KPNA1: variants seen among roughly 807,000 people sequenced by gnomAD.
The protein encoded by KPNA1 is karyopherin subunit alpha 1.
A neutral mutation model predicts 70.5 loss-of-function variants in KPNA1; 10 were observed. The ratio of observed to expected loss-of-function variants is 0.14; its 90% CI spans 0.09 to 0.24. The LOEUF is 0.24. Among genes scored for constraint, KPNA1 ranks in the 10% least tolerant of loss-of-function variants. The pLI is 1.00. For synonymous variants in KPNA1, 192 were observed against 221.9 expected (o/e 0.87, Z 1.20); for missense variants, 397 against 637.9 (o/e 0.62, Z 4.07).
chr3:122,427,552 A>G lies in KPNA1; in HGVS notation c.1415T>C (p.Ile472Thr). The change falls in exon 13 of 14, where the codon ATT becomes ACT. Residue 472 changes from isoleucine (I) to threonine (T), a missense_variant. Physicochemically the swap from Ile to Thr is moderately conservative, Grantham distance 89. Coordinates refer to ENST00000344337, the MANE Select transcript of KPNA1 (RefSeq NM_002264.4). ...GTGINPYCAL[I>T]EEAYGLDKIE... The stretch of plus-strand genomic sequence containing the variant: ...AAGCATCTTACCATAAGCTTCTTCA[A>G]TCAAAGCACAGTAAGGGTTAATGCC... 3 of 1,612,054 alleles carry G rather than the reference A, an allele frequency of 1.9e-6. No homozygotes were observed. The highest frequency in any genetic ancestry group is 2.5e-6 in the Non-Finnish European group (3 of 1,179,346).
Position 122,507,686 on chromosome 3 carries a change from CTGATCTTTA to C in KPNA1, c.-6+7062_-6+7070del, listed in dbSNP as rs370700890. On this transcript the variant is annotated intron_variant, in intron 1 of 13. Transcript: ENST00000344337. ...GTATGCTGTTATTTCTTCAGAAGTT[CTGATCTTTA>C]TGGTCTTTATGAAGGAGAAAAATTA... is the stretch of plus-strand genomic sequence containing the variant. 6.3e-3 allele frequency among the ~76,000 whole-genome samples: 944 copies of C among 150,980 alleles called. 12 individuals are homozygous for C. Among genetic ancestry groups the C allele is most frequent in the African/African-American group, 0.022 (897 of 41,086 alleles).
chr3:122,502,919 G>A lies in KPNA1; in HGVS notation c.-5-6349C>T, dbSNP rs184897060. Among the ~76,000 whole-genome samples the A allele has an allele frequency of 1.1e-4, 16 of 151,968 alleles. No homozygotes were observed. The East Asian group carries it at 1.4e-3, about 13-fold the overall frequency. On this transcript the variant is annotated intron_variant, in intron 1 of 13. Coordinates refer to ENST00000344337, the MANE Select transcript of KPNA1 (RefSeq NM_002264.4). ...GATCACTTGAGCCGAGTTTTGTAGC[G>A]ACCCTGTCTCCACAAAAAATACAAA...
intron 5 of KPNA1, 42 bp from the exon 6 acceptor site, chr3:122,454,043 A>T (rs761083514): frequency 5.6e-6 from 8 of 1,424,956 alleles, no homozygotes; most frequent in African/African-American, 1.4e-5. Context: ...TTTAGAATGT[A>T]AAAGTTTGTT....
At chr3:122,461,772 G>A (rs1177018644) in intron 4 of KPNA1, among the ~76,000 whole-genome samples, 5 of 152,176 alleles carry the variant, frequency 3.3e-5, no homozygotes, top group Non-Finnish European at 7.3e-5. Flanking sequence ...ACCTGTAGGA[G>A]CTAGCAAGAA....
intron 2 of KPNA1, among the ~76,000 whole-genome samples, chr3:122,473,681 C>T (rs1466302030): frequency 1.3e-5 from 2 of 152,108 alleles, no homozygotes; most frequent in South Asian, 2.1e-4. Context: ...CACCCATTCA[C>T]GATTTTAAAA....
At chr3:122,514,290 C>T (rs1362302213) in intron 1 of KPNA1, among the ~76,000 whole-genome samples, 2 of 152,070 alleles carry the variant, frequency 1.3e-5, no homozygotes, top group African/African-American at 4.8e-5. Flanking sequence ...AAGACGGTCC[C>T]TTTTTGCCAG....
At chr3:122,450,855 A>T (rs2076193934) in intron 8 of KPNA1, among the ~76,000 whole-genome samples, 1 of 152,206 alleles carries the variant, frequency 6.6e-6, no homozygotes, top group Non-Finnish European at 1.5e-5. Flanking sequence ...AACCAGCCCA[A>T]ATGCCCATCA....
At chr3:122,471,407 T>C (rs1026720107) in intron 2 of KPNA1, among the ~76,000 whole-genome samples, 7 of 152,026 alleles carry the variant, frequency 4.6e-5, no homozygotes, top group African/African-American at 1.4e-4. Flanking sequence ...TGGCAAAAAA[T>C]AAAGACTAAA....
At chr3:122,457,614 T>G in intron 5 of KPNA1, 1 of 940,784 alleles carries the variant, frequency 1.1e-6, no homozygotes, top group Non-Finnish European at 1.4e-6. Context: ...ACACCTGAAA[T>G]CTGCACACTG....
intron 4 of KPNA1, 81 bp downstream of exon 4, chr3:122,463,861 A>T: frequency 1.6e-6 from 1 of 607,666 alleles, no homozygotes. Flanking sequence ...AACACAAATT[A>T]CCTGTGGTAT....
intron 1 of KPNA1, among the ~76,000 whole-genome samples, chr3:122,509,481 G>A (rs1471907132): frequency 6.6e-6 from 1 of 151,958 alleles, no homozygotes; most frequent in Non-Finnish European, 1.5e-5. Flanking sequence ...CAATTCCTAG[G>A]GAATGAAAAG....
intron 2 of KPNA1, among the ~76,000 whole-genome samples, chr3:122,491,268 G>A (rs556481183): frequency 1.4e-4 from 22 of 152,256 alleles, no homozygotes; most frequent in African/African-American, 4.8e-4. Context: ...TTGGTACAGC[G>A]GGATGCTGTT....
intron 12 of KPNA1, 29 bp downstream of exon 12, chr3:122,433,632 T>C (rs773305733): frequency 1.4e-5 from 22 of 1,555,554 alleles, no homozygotes; most frequent in Admixed American, 2.1e-5. Context: ...TTTCTTTAAC[T>C]TACAATATGC....
chr3:122,476,735 A>C (rs1287378428), intron 2 of KPNA1, among the ~76,000 whole-genome samples: 3 of 151,998 alleles, frequency 2.0e-5, no homozygotes, highest in Non-Finnish European at 4.4e-5. Context: ...ACCTGTTAGA[A>C]TGACAATCAT....
At chr3:122,506,552 AAGAGCATTTC>A (rs2076892351) in intron 1 of KPNA1, among the ~76,000 whole-genome samples, 1 of 152,230 alleles carries the variant, frequency 6.6e-6, no homozygotes, top group Non-Finnish European at 1.5e-5. Context: ...TATTTTTATT[AAGAGCATTTC>A]AGTGTTCAAT....
intron 5 of KPNA1, chr3:122,459,502 T>C (rs1157890420): frequency 7.1e-6 from 7 of 985,338 alleles, no homozygotes; most frequent in Non-Finnish European, 7.2e-6. Context: ...TTGGTCCCTC[T>C]GGTTCTCGGC....
rs1365813173 is a variant in KPNA1, at chr3:122,423,716, A to C, written c.*3269T>G. ...AGAATTGGTTGACAAAGTTTGGTTT[A>C]TAAAATATACTTACATATTGTTTCT... On this transcript the variant is annotated 3_prime_UTR_variant, in exon 14 of 14. Coordinates refer to ENST00000344337, the MANE Select transcript of KPNA1 (RefSeq NM_002264.4). 2 of 152,646 alleles carry C rather than the reference A, an allele frequency of 1.3e-5. No homozygotes were observed. Among genetic ancestry groups the C allele is most frequent in the Non-Finnish European group, 2.9e-5 (2 of 68,038 alleles). The allele number at this position is 152,646 out of a possible 1,614,324, so 9.5% of individuals were successfully genotyped here. A position where few individuals can be genotyped will look rare whatever the true frequency, so the allele number is the denominator to read the frequency against.
chr3:122,503,270 TAAAG>T (rs1249733492), intron 1 of KPNA1, among the ~76,000 whole-genome samples: 5 of 151,528 alleles, frequency 3.3e-5, no homozygotes, highest in East Asian at 1.9e-4. Flanking sequence ...TATATATATA[TAAAG>T]AAAGAAAGAA....
Position 122,459,858 on chromosome 3 carries a change from G to A in KPNA1, c.432+1366C>T, listed in dbSNP as rs993623063. On this transcript the variant is annotated intron_variant, in intron 5 of 13. Coordinates refer to ENST00000344337, the MANE Select transcript of KPNA1 (RefSeq NM_002264.4). The stretch of plus-strand genomic sequence containing the variant: ...AAACAAAGAGAAAGAAGGGATAGGA[G>A]GAAAGGAGAGAAAACATCAAGGCAA... The A allele has an allele frequency of 7.8e-5, 77 of 985,450 alleles. No homozygotes were observed. The African/African-American group carries it at 1.3e-3, about 16-fold the overall frequency. 61.0% of individuals were successfully genotyped at this position (985,450 alleles called of 1,614,324 possible).
Sources: allele counts gnomAD v4.1 joint callset (sites outside exome capture counted in the v4.1 genomes callset), GRCh38; gene constraint gnomAD v4.1.1; transcripts MANE v1.5; gene names NCBI Gene and HGNC (gene_info 2026-07-23, HGNC 2026-07-21).